TNS3: variants seen among roughly 807,000 people sequenced by gnomAD.
TNS3 encodes the protein tensin 3, also known as tensin-3.
Under a neutral mutation model 140.9 loss-of-function variants are expected in TNS3, and 45 were observed. That is an observed-to-expected ratio of 0.32 (90% CI 0.25 to 0.41). TNS3 has a LOEUF of 0.41. Among genes scored for constraint, TNS3 ranks in the 10% least tolerant of loss-of-function variants. The pLI is 1.00. For missense variants in TNS3, 1,716 were observed against 1,906.7 expected (o/e 0.90, Z 1.86); for synonymous variants, 815 against 788.4 (o/e 1.03, Z -0.56).
intron 17 of TNS3, among the ~76,000 whole-genome samples, chr7:47,364,276 A>T (rs886318373): frequency 7.9e-5 from 11 of 139,448 alleles, no homozygotes; most frequent in Admixed American, 7.2e-4. Context: ...AGTAAGCAAT[A>T]ATTTTTTTTT....
intron 1 of TNS3, among the ~76,000 whole-genome samples, chr7:47,580,385 T>A (rs1472927461): frequency 6.6e-6 from 1 of 152,218 alleles, no homozygotes; most frequent in Admixed American, 6.5e-5. Flanking sequence ...ATGCAAAGCA[T>A]TTAGCACAGG....
chr7:47,577,416 G>C (rs1562866145), intron 1 of TNS3, among the ~76,000 whole-genome samples: 2 of 152,214 alleles, frequency 1.3e-5, no homozygotes, highest in Admixed American at 1.3e-4. Flanking sequence ...TGGGGTCCGA[G>C]GAAGCAGCTG....
intron 1 of TNS3, among the ~76,000 whole-genome samples, chr7:47,549,951 C>G (rs967210872): frequency 6.2e-4 from 88 of 142,122 alleles, no homozygotes; most frequent in Admixed American, 1.0e-3. Flanking sequence ...TCCCCACAAC[C>G]TAGTTACTTC....
intron 7 of TNS3, among the ~76,000 whole-genome samples, chr7:47,436,005 TG>T (rs1423466949): frequency 1.3e-5 from 2 of 152,192 alleles, no homozygotes; most frequent in Admixed American, 6.5e-5. Flanking sequence ...TGGCCCACAG[TG>T]GCCACACGGG....
chr7:47,368,835 G>A lies in TNS3; in HGVS notation c.1811C>T (p.Ala604Val), dbSNP rs1428329647. 6.2e-7 allele frequency: 1 copy of A among 1,613,176 alleles called. No homozygotes were observed. The highest frequency in any genetic ancestry group is 1.7e-5 in the Admixed American group (1 of 59,992). The change falls in exon 17 of 31, where the codon GCC becomes GTC. Residue 604 changes from alanine to valine, a missense_variant. This residue lies in a region of TNS3 where 1,163 missense variants were observed against 1,182.1 expected (regional missense o/e 0.98). Transcript: ENST00000311160. ...CACCAGCCGGGCCTCCCCATCTGGG[G>A]CGAAGCTATACTGGTGAGCTACAAC... is the stretch of plus-strand genomic sequence containing the variant. Reference protein sequence around the residue: ...QMVVAHQYSFAPDGEARLVSR... With the variant: ...QMVVAHQYSFVPDGEARLVSR...
chr7:47,371,183 T>A (rs1361386392), intron 16 of TNS3, among the ~76,000 whole-genome samples: 1 of 151,850 alleles, frequency 6.6e-6, no homozygotes, highest in Non-Finnish European at 1.5e-5. Context: ...ATGCTGAAAA[T>A]AAACCAAGGC....
intron 2 of TNS3, among the ~76,000 whole-genome samples, chr7:47,523,854 G>A (rs1241268312): frequency 6.6e-6 from 1 of 152,230 alleles, no homozygotes; most frequent in East Asian, 1.9e-4. Flanking sequence ...CAGGGACCAT[G>A]GGGACAGACC....
At chr7:47,561,021 CA>C (rs1800309691) in intron 1 of TNS3, among the ~76,000 whole-genome samples, 1 of 152,176 alleles carries the variant, frequency 6.6e-6, no homozygotes, top group Non-Finnish European at 1.5e-5. Context: ...ACTGTAACAC[CA>C]GAAGTAAACT....
intron 4 of TNS3, among the ~76,000 whole-genome samples, chr7:47,448,282 T>C (rs1383745781): frequency 6.6e-6 from 1 of 152,140 alleles, no homozygotes; most frequent in Non-Finnish European, 1.5e-5. Flanking sequence ...ACAGGCCCCA[T>C]TCCCTCTGCA....
chr7:47,334,622 T>A (rs1286108285), intron 20 of TNS3, among the ~76,000 whole-genome samples: 1 of 151,042 alleles, frequency 6.6e-6, no homozygotes, highest in African/African-American at 2.4e-5. Context: ...TTTTTTTTTT[T>A]TTTGACAGAG....
chr7:47,558,540 C>A (rs1364422441), intron 1 of TNS3, among the ~76,000 whole-genome samples: 2 of 152,140 alleles, frequency 1.3e-5, no homozygotes, highest in African/African-American at 4.8e-5. Context: ...AAGAAAGGCC[C>A]AGGTTTTCAT....
In TNS3 at chr7:47,336,966, C is replaced by T. The variant is rs146121829; in HGVS notation, c.2650+7789G>A. ...TCAACATTGGCCTTCCACGTCCAAC[C>T]GTGGCAAGCTCAGTTCCAGCAAGAA... On this transcript the variant is annotated intron_variant, in intron 20 of 30. Coordinates refer to ENST00000311160, the MANE Select transcript of TNS3 (RefSeq NM_022748.12). Among the ~76,000 whole-genome samples the T allele has an allele frequency of 3.4e-3, 516 of 152,258 alleles. 3 individuals carry two copies. Among genetic ancestry groups the T allele is most frequent in the Non-Finnish European group, 5.0e-3 (340 of 68,026 alleles).
intron 13 of TNS3, 67 bp downstream of exon 13, chr7:47,411,660 G>C: frequency 6.7e-7 from 1 of 1,487,614 alleles, no homozygotes; most frequent in Non-Finnish European, 9.2e-7. Context: ...ACAGAATCAT[G>C]ATTTCAAGTC....
At chr7:47,302,394 A>C in intron 22 of TNS3, 122 bp from the exon 23 acceptor site, 1 of 741,226 alleles carries the variant, frequency 1.3e-6, no homozygotes, top group Non-Finnish European at 2.3e-6. Context: ...GCGATGTTCT[A>C]AGGAAAGGGA....
intron 23 of TNS3, among the ~76,000 whole-genome samples, chr7:47,299,146 A>T (rs1032107971): frequency 6.6e-5 from 10 of 152,092 alleles, no homozygotes; most frequent in Admixed American, 2.0e-4. Context: ...TTTAATTTTT[A>T]TTTTTTTGAG....
At chr7:47,491,077 G>A (rs559503428) in intron 3 of TNS3, among the ~76,000 whole-genome samples, 15 of 152,276 alleles carry the variant, frequency 9.9e-5, no homozygotes, top group African/African-American at 1.4e-4. Flanking sequence ...GACAGAGCGC[G>A]GCTGTGGCTT....
chr7:47,389,154 A>AAGAAGAAGAAGCAGCAGC (rs1340201271), intron 16 of TNS3, among the ~76,000 whole-genome samples: 1 of 82,208 alleles, frequency 1.2e-5, no homozygotes, highest in African/African-American at 4.2e-5. Context: ...GAAGAAGAAG[A>AAGAAGAAGAAGCAGCAGC]AGCAGAAGAA....
intron 2 of TNS3, among the ~76,000 whole-genome samples, chr7:47,525,216 G>A (rs1323460111): frequency 2.0e-5 from 3 of 152,258 alleles, no homozygotes; most frequent in South Asian, 2.1e-4. Context: ...CGGAGGTGAC[G>A]CTCTAGGTGT....
At chr7:47,415,567 G>A (rs746684570) in intron 10 of TNS3, among the ~76,000 whole-genome samples, 1 of 152,240 alleles carries the variant, frequency 6.6e-6, no homozygotes, top group African/African-American at 2.4e-5. Context: ...CTGGCACACC[G>A]GTGGGCGTGT....
Sources: gnomAD v4.1 joint callset for allele counts (sites outside exome capture counted in the v4.1 genomes callset) on GRCh38, gnomAD v4.1.1 for gene constraint, gnomAD v4.1.1 regional missense constraint, MANE v1.5 for transcripts, NCBI Gene and HGNC (gene_info 2026-07-23, HGNC 2026-07-21) for gene names.